The following PXN variants were observed in gnomAD, a reference collection of about 807,000 sequenced individuals.
PXN encodes the protein testicular tissue protein Li 134.
A neutral mutation model predicts 103.6 loss-of-function variants in PXN; 61 were observed. The ratio of observed to expected loss-of-function variants is 0.59; its 90% CI spans 0.48 to 0.73. The LOEUF (loss-of-function observed/expected upper bound fraction) is 0.73. Among genes scored for constraint, PXN ranks in the 30% least tolerant of loss-of-function variants. PXN has a pLI of 0.00. For synonymous variants in PXN, 562 were observed against 607.8 expected (o/e 0.92, Z 1.11); for missense variants, 1,274 against 1,460.3 (o/e 0.87, Z 2.08).
intron 1 of PXN, chr12:120,250,250 C>T: frequency 6.3e-6 from 6 of 949,904 alleles, no homozygotes; most frequent in Non-Finnish European, 7.5e-6. Flanking sequence ...ACAGAGGGGG[C>T]AAAGCTCGGC....
In PXN at chr12:120,212,204, G is replaced by A; in HGVS notation, c.*110C>T. ...CATCCCGCACCAGCGGAGGACAAGG[G>A]TTCCAGTTTCAGTCGGGTTTACCCC... is the stretch of plus-strand genomic sequence containing the variant. On this transcript the variant is annotated 3_prime_UTR_variant, in exon 15 of 15. Transcript: ENST00000637617. This position sits in a 1 kb window ranked among gnomAD's most constrained non-coding sequence, Gnocchi z 7.2. 1 of 1,443,880 alleles carries A rather than the reference G, an allele frequency of 6.9e-7. No individual in the cohort carries two copies. The highest frequency in any genetic ancestry group is 9.4e-7 in the Non-Finnish European group (1 of 1,068,296). 89.4% of individuals were successfully genotyped at this position (1,443,880 alleles called of 1,614,324 possible). A position where few individuals can be genotyped will look rare whatever the true frequency, so the allele number is the denominator to read the frequency against.
chr12:120,219,233 T>C lies in PXN; in HGVS notation c.1690A>G (p.Thr564Ala), dbSNP rs762559839. ...TGGCCAGAGGTGGAAATCCTCTCCGTGGTGCTGGGTGTGCCCATGGCCATG... is the reference window on the plus strand; with the variant it reads ...TGGCCAGAGGTGGAAATCCTCTCCGCGGTGCTGGGTGTGCCCATGGCCATG... ...CAMAMGTPST[T>A]ERISTSGQIR... Residue 564 changes from threonine to alanine, a missense_variant, in exon 7 of 15, where the codon ACG becomes GCG. Thr to Ala is a moderately conservative substitution (Grantham distance 58). Transcript: ENST00000637617. The surrounding 1 kb of genome is among the most constrained non-coding windows in gnomAD (Gnocchi z 6.5). 1 of 1,587,658 alleles carries C rather than the reference T, an allele frequency of 6.3e-7. No homozygotes were observed. The highest frequency in any genetic ancestry group is 1.3e-5 in the African/African-American group (1 of 74,568).
chr12:120,215,694 C>CT lies in PXN; in HGVS notation c.2302-34dup. The CT allele has an allele frequency of 6.4e-7, 1 of 1,568,436 alleles. No individual in the cohort carries two copies. The highest frequency in any genetic ancestry group is 8.6e-7 in the Non-Finnish European group (1 of 1,160,990). On this transcript the variant is annotated intron_variant, in intron 9 of 14. Transcript: ENST00000637617. The surrounding 1 kb of genome is among the most constrained non-coding windows in gnomAD (Gnocchi z 4.9). ...AGGGGAAGAGATGAGGGTAAGAAAT[C>CT]TTTTTTAAAAATTAAGAAAGAATAC...
intron 1 of PXN, among the ~76,000 whole-genome samples, chr12:120,251,678 G>A (rs1016874446): frequency 9.9e-5 from 15 of 151,086 alleles, no homozygotes; most frequent in Admixed American, 7.9e-4. Flanking sequence ...TTAGCTGGGC[G>A]TGGTCGTGGG....
At chr12:120,226,301 G>A in intron 1 of PXN, 1 of 1,289,182 alleles carries the variant, frequency 7.8e-7, no homozygotes, top group Non-Finnish European at 1.0e-6. Context: ...ACCCCAGTAG[G>A]GGGCAGGAGC....
Position 120,219,709 on chromosome 12 carries a change from CAG to C in PXN, c.1212_1213del (p.Ala406TrpfsTer41), listed in dbSNP as rs748832346. Reference sequence around the variant, plus strand: ...CTCTTGGAGAGCTGTGCTCCCAGCACAGGGTACAGTGTGGCAGCGGGGAGCCC... The same window carrying C: ...CTCTTGGAGAGCTGTGCTCCCAGCACGGTACAGTGTGGCAGCGGGGAGCCC... On this transcript the variant is annotated frameshift_variant, in exon 7 of 15. Coordinates refer to ENST00000637617, the MANE Select transcript of PXN (RefSeq NM_001385981.1). LOFTEE classifies it high-confidence loss of function. The surrounding 1 kb of genome is among the most constrained non-coding windows in gnomAD (Gnocchi z 6.5). The C allele has an allele frequency of 8.8e-6, 14 of 1,595,108 alleles. No homozygotes were observed. In the African/African-American group the frequency reaches 1.5e-4, roughly 17 times the overall value.
At position 120,216,023 on chromosome 12, in the gene PXN, C is replaced by A; in HGVS notation, c.2301+250G>T. 1.5e-6 allele frequency: 2 copies of A among 1,338,406 alleles called. No individual in the cohort carries two copies. Among genetic ancestry groups the A allele is most frequent in the Admixed American group, 3.3e-5 (1 of 30,338 alleles). The allele number at this position is 1,338,406 out of a possible 1,614,324, so 82.9% of individuals were successfully genotyped here. ...TCCTCGATGGGAGCCCGGGGCAGTA[C>A]TGAGGACCAGTCGAGGAAGGAGCAG... is the stretch of plus-strand genomic sequence containing the variant. On this transcript the variant is annotated intron_variant, in intron 9 of 14. Coordinates refer to ENST00000637617, the MANE Select transcript of PXN (RefSeq NM_001385981.1). This position sits in a 1 kb window ranked among gnomAD's most constrained non-coding sequence, Gnocchi z 5.1.
rs746638514 is a variant in PXN at position 120,214,796 on chromosome 12, G to A, written c.2748+29C>T. The A allele has an allele frequency of 4.3e-6, 7 of 1,612,394 alleles. No homozygotes were observed. In the East Asian group the frequency reaches 1.3e-4, roughly 31 times the overall value. On this transcript the variant is annotated intron_variant, in intron 12 of 14. Coordinates refer to ENST00000637617, the MANE Select transcript of PXN (RefSeq NM_001385981.1). This position sits in a 1 kb window ranked among gnomAD's most constrained non-coding sequence, Gnocchi z 5.0. Reference sequence around the variant, plus strand: ...TGCGGTGAAGCTGGAATGAGCGGAAGCGGGCGCGGTGCCGGATGAGGAACT... The same window carrying A: ...TGCGGTGAAGCTGGAATGAGCGGAAACGGGCGCGGTGCCGGATGAGGAACT...
rs1894483439 is a variant in PXN, at chr12:120,265,131, G to A, written c.13+486C>T. On this transcript the variant is annotated intron_variant, in intron 1 of 14. Transcript: ENST00000637617. This position sits in a 1 kb window ranked among gnomAD's most constrained non-coding sequence, Gnocchi z 5.7. ...GTGAAGTGGGGGGCGGCCCTGGAGG[G>A]ACGGGGAGCAGGTCGAGGAAATGAG... 6.6e-6 allele frequency among the ~76,000 whole-genome samples: 1 copy of A among 151,704 alleles called. No individual in the cohort carries two copies. The highest frequency in any genetic ancestry group is 2.1e-4 in the South Asian group (1 of 4,808).
intron 1 of PXN, chr12:120,247,310 A>G (rs1891335780): frequency 6.6e-6 from 1 of 152,154 alleles, no homozygotes; most frequent in African/African-American, 2.4e-5. Context: ...GCAAACACTA[A>G]TATCAAGGAA....
chr12:120,264,157 C>T (rs1894311105), intron 1 of PXN: 1 of 152,294 alleles, frequency 6.6e-6, no homozygotes, highest in Non-Finnish European at 1.5e-5. Flanking sequence ...GGACCCTACA[C>T]CAACCCCAGC....
At position 120,245,712 on chromosome 12, in the gene PXN, C is replaced by T. The variant is rs571506760; in HGVS notation, c.13+19905G>A. On this transcript the variant is annotated intron_variant, in intron 1 of 14. Transcript: ENST00000637617. ...CTGAGGCAGGAGAATGGCGTGAACC[C>T]AGGAGGCGGAGCTTTCAGTGAGCCG... is the stretch of plus-strand genomic sequence containing the variant. Among the ~76,000 whole-genome samples the T allele has an allele frequency of 9.0e-3, 1,324 of 147,510 alleles. 10 individuals carry two copies. Among genetic ancestry groups the T allele is most frequent in the Non-Finnish European group, 0.014 (935 of 67,442 alleles).
chr12:120,250,338 C>T (rs1489314936), intron 1 of PXN, among the ~76,000 whole-genome samples: 1 of 152,198 alleles, frequency 6.6e-6, no homozygotes, highest in Non-Finnish European at 1.5e-5. Context: ...TAAAGGGGTA[C>T]AGTCACTGGG....
At chr12:120,258,719 T>C (rs965616001) in intron 1 of PXN, among the ~76,000 whole-genome samples, 3 of 152,248 alleles carry the variant, frequency 2.0e-5, no homozygotes, top group Non-Finnish European at 4.4e-5. Flanking sequence ...ATGGCCCTTG[T>C]GCTCTCTGCC....
rs556941241 is a variant in PXN at position 120,244,005 on chromosome 12, G to A, written c.14-19628C>T. 4.0e-5 allele frequency among the ~76,000 whole-genome samples: 6 copies of A among 151,864 alleles called. No homozygotes were observed. The South Asian group carries it at 1.2e-3, about 32-fold the overall frequency. ...CAAATCAACAAATGACCTGCGCCAA[G>A]TCAGTCTGCTGCTGAGATCAGCCTT... On this transcript the variant is annotated intron_variant, in intron 1 of 14. Coordinates refer to ENST00000637617, the MANE Select transcript of PXN (RefSeq NM_001385981.1).
rs1886353356 is a variant in PXN, at chr12:120,224,749, A to C, written c.14-372T>G. The C allele has an allele frequency of 8.0e-6, 4 of 497,344 alleles. No homozygotes were observed. Among genetic ancestry groups the C allele is most frequent in the East Asian group, 5.5e-5 (1 of 18,072 alleles). The allele number at this position is 497,344 out of a possible 1,614,324, so 30.8% of individuals were successfully genotyped here. On this transcript the variant is annotated intron_variant, in intron 1 of 14. Transcript: ENST00000637617. The surrounding 1 kb of genome is among the most constrained non-coding windows in gnomAD (Gnocchi z 5.0). ...GAATCTGCAGGGCAACGCGGAGAGA[A>C]TGGGCGGGAGGGGCCCCACGTCACA...
Position 120,265,569 on chromosome 12 carries a change from A to G in PXN, c.13+48T>C, listed in dbSNP as rs1241687592. ...GCTCGCTGGCGCCCTCCTGGCCCCA[A>G]GCTGCGCGCCTCTCGCCTCCTCCTC... On this transcript the variant is annotated intron_variant, in intron 1 of 14. Coordinates refer to ENST00000637617, the MANE Select transcript of PXN (RefSeq NM_001385981.1). The surrounding 1 kb of genome is among the most constrained non-coding windows in gnomAD (Gnocchi z 5.7). 3 of 1,478,056 alleles carry G rather than the reference A, an allele frequency of 2.0e-6. No individual in the cohort carries two copies. Among genetic ancestry groups the G allele is most frequent in the Non-Finnish European group, 1.8e-6 (2 of 1,119,882 alleles). 91.6% of individuals were successfully genotyped at this position (1,478,056 alleles called of 1,614,324 possible). A position where few individuals can be genotyped will look rare whatever the true frequency, so the allele number is the denominator to read the frequency against.
rs2136160718 is a variant in PXN at position 120,212,870 on chromosome 12, CAG to C, written c.2980-292_2980-291del. Reference sequence around the variant, plus strand: ...GGCTGGGATTATTTAGTTCTCCCAACAGGGGAGGCAACTGAAGCACACAGGTG... The same window carrying C: ...GGCTGGGATTATTTAGTTCTCCCAACGGGAGGCAACTGAAGCACACAGGTG... On this transcript the variant is annotated intron_variant, in intron 14 of 14. Coordinates refer to ENST00000637617, the MANE Select transcript of PXN (RefSeq NM_001385981.1). The surrounding 1 kb of genome is among the most constrained non-coding windows in gnomAD (Gnocchi z 7.2). The C allele has an allele frequency of 6.5e-6, 2 of 307,646 alleles. No homozygotes were observed. Among genetic ancestry groups the C allele is most frequent in the South Asian group, 5.7e-5 (1 of 17,438 alleles). 19.1% of individuals were successfully genotyped at this position (307,646 alleles called of 1,614,324 possible). A position where few individuals can be genotyped will look rare whatever the true frequency, so the allele number is the denominator to read the frequency against.
intron 1 of PXN, chr12:120,249,765 C>T (rs1891846892): frequency 1.2e-6 from 1 of 824,854 alleles, no homozygotes; most frequent in African/African-American, 1.9e-5. Context: ...TGCCAACTTC[C>T]AAAGAGAGAG....
Sources: allele counts gnomAD v4.1 joint callset (sites outside exome capture counted in the v4.1 genomes callset), GRCh38; gene constraint gnomAD v4.1.1; non-coding constraint Gnocchi (gnomAD v3.1); transcripts MANE v1.5; gene names NCBI Gene and HGNC (gene_info 2026-07-23, HGNC 2026-07-21).